The following POC5 variants were observed in gnomAD, a reference collection of about 807,000 sequenced individuals.
POC5 encodes the protein centrosomal protein POC5.
POC5 carries 48 observed loss-of-function variants against 62.9 expected under a neutral mutation model. That is an observed-to-expected ratio of 0.76 (90% CI 0.61 to 0.97). The LOEUF (loss-of-function observed/expected upper bound fraction) is 0.97, where lower values mean the gene tolerates loss of function less well. Among genes scored for constraint, POC5 ranks in the 50% least tolerant of loss-of-function variants. The pLI is 0.00. For synonymous variants in POC5, 236 were observed against 228.2 expected, an observed-to-expected ratio of 1.03 and a Z score of -0.31; for missense variants, 696 against 679.5, an observed-to-expected ratio of 1.02 and a Z score of -0.27.
intron 3 of POC5, chr5:75,707,524 A>C (rs1423537215): frequency 2.3e-6 from 1 of 426,130 alleles, no homozygotes; most frequent in East Asian, 3.5e-5. Flanking sequence ...CATAAAAGTA[A>C]GAGTCAAATG....
intron 7 of POC5, among the ~76,000 whole-genome samples, chr5:75,691,980 C>T (rs1399662168): frequency 6.6e-6 from 1 of 152,100 alleles, no homozygotes. Context: ...AACATTTATA[C>T]TGTGATTTAA....
At chr5:75,696,966 T>G (rs1231337902) in intron 5 of POC5, among the ~76,000 whole-genome samples, 8 of 151,440 alleles carry the variant, frequency 5.3e-5, no homozygotes, top group African/African-American at 1.9e-4. Flanking sequence ...CAATGGAAGA[T>G]GAAATGAATG....
rs993446101 is a variant in POC5, at chr5:75,676,633, A to G, written c.1584+1141T>C. On this transcript the variant is annotated intron_variant, in intron 11 of 11. Transcript: ENST00000428202. Reference sequence around the variant, plus strand: ...ACAGGAACGTTGTCCGATGCTGAGAATTTATAGAGGGCATTCTCTTTTAAA... The same window carrying G: ...ACAGGAACGTTGTCCGATGCTGAGAGTTTATAGAGGGCATTCTCTTTTAAA... Among the ~76,000 whole-genome samples, 3 of 152,228 alleles carry G rather than the reference A, an allele frequency of 2.0e-5. No individual in the cohort carries two copies. In the East Asian group the frequency reaches 5.8e-4, roughly 29 times the overall value.
At chr5:75,696,053 G>A (rs549807127) in intron 5 of POC5, 1 of 153,120 alleles carries the variant, frequency 6.5e-6, no homozygotes, top group African/African-American at 2.4e-5. Context: ...ACCTGGCTCA[G>A]AGGGTCCTAC....
chr5:75,698,958 G>C (rs1180588162), intron 5 of POC5, among the ~76,000 whole-genome samples: 1 of 152,080 alleles, frequency 6.6e-6, no homozygotes, highest in African/African-American at 2.4e-5. Context: ...AAATAAACTA[G>C]AAAATCTAGA....
At chr5:75,677,361 A>G (rs1775707591) in intron 11 of POC5, among the ~76,000 whole-genome samples, 1 of 152,220 alleles carries the variant, frequency 6.6e-6, no homozygotes, top group Admixed American at 6.5e-5. Flanking sequence ...AGGACCAAAA[A>G]TTAAAAACTA....
intron 2 of POC5, among the ~76,000 whole-genome samples, chr5:75,708,185 T>G (rs1335657831): frequency 6.6e-6 from 1 of 151,998 alleles, no homozygotes; most frequent in African/African-American, 2.4e-5. Flanking sequence ...CTACAATAAA[T>G]TTTTTACAAA....
intron 1 of POC5, among the ~76,000 whole-genome samples, chr5:75,715,001 G>GT (rs764228875): frequency 6.6e-6 from 1 of 150,626 alleles, no homozygotes; most frequent in Non-Finnish European, 1.5e-5. Context: ...GTATTAGTAC[G>GT]TTTTTCAAAC....
intron 2 of POC5, among the ~76,000 whole-genome samples, chr5:75,708,717 T>G (rs1472531696): frequency 6.6e-6 from 1 of 152,262 alleles, no homozygotes; most frequent in African/African-American, 2.4e-5. Context: ...TAAGTAAAAT[T>G]GTTTTTTAAA....
intron 1 of POC5, among the ~76,000 whole-genome samples, chr5:75,714,827 TG>T (rs1048013603): frequency 2.6e-5 from 4 of 152,170 alleles, no homozygotes; most frequent in African/African-American, 9.7e-5. Context: ...ACACTGTGAA[TG>T]GTGTTTCCTG....
At chr5:75,698,798 G>A (rs374014312) in intron 5 of POC5, among the ~76,000 whole-genome samples, 1 of 151,608 alleles carries the variant, frequency 6.6e-6, no homozygotes, top group Non-Finnish European at 1.5e-5. Context: ...TTGAAAGGAT[G>A]AACAAAATTG....
chr5:75,712,264 T>C (rs1348304979), intron 2 of POC5: 4 of 1,292,016 alleles, frequency 3.1e-6, no homozygotes, highest in Admixed American at 1.8e-5. Flanking sequence ...TATTCTCATA[T>C]TTAAAATCTA....
chr5:75,693,658 C>T (rs547614045), intron 6 of POC5, among the ~76,000 whole-genome samples: 24 of 152,150 alleles, frequency 1.6e-4, no homozygotes, highest in Admixed American at 7.2e-4. Flanking sequence ...CAATTTTATA[C>T]GAAATCAAGG....
In POC5 at chr5:75,675,884, G is replaced by T. The variant is rs115340281; in HGVS notation, c.1585-1306C>A. Among the ~76,000 whole-genome samples, 10 of 152,316 alleles carry T rather than the reference G, an allele frequency of 6.6e-5. No individual in the cohort carries two copies. In the East Asian group the frequency reaches 1.7e-3, roughly 26 times the overall value. On this transcript the variant is annotated intron_variant, in intron 11 of 11. Coordinates refer to ENST00000428202, the MANE Select transcript of POC5 (RefSeq NM_001099271.2). ...AGATGAGGCTACAGTGTCACAAATCGCATCCTTGGTTTTTTAGTAATAACT... is the reference window on the plus strand; with the variant it reads ...AGATGAGGCTACAGTGTCACAAATCTCATCCTTGGTTTTTTAGTAATAACT...
intron 5 of POC5, chr5:75,696,238 G>A (rs149283666): frequency 0.24 from 37,193 of 152,882 alleles, 4,755 homozygotes; most frequent in South Asian, 0.32. Context: ...GCCTGCCTCT[G>A]TAGGCTCCAC....
In POC5 at chr5:75,676,802, G is replaced by A. The variant is rs1015137564; in HGVS notation, c.1584+972C>T. 4.7e-5 allele frequency among the ~76,000 whole-genome samples: 7 copies of A among 148,708 alleles called. No homozygotes were observed. In the South Asian group the frequency reaches 1.3e-3, roughly 27 times the overall value. On this transcript the variant is annotated intron_variant, in intron 11 of 11. Transcript: ENST00000428202. ...GCGCCATTGCACTCTATCTAGCCTG[G>A]GAGACAAGAGAGAAACTCTGTCTCA... is the stretch of plus-strand genomic sequence containing the variant.
intron 1 of POC5, 23 bp from the exon 2 acceptor site, chr5:75,712,974 T>G (rs1171988016): frequency 6.5e-7 from 1 of 1,528,702 alleles, no homozygotes. Flanking sequence ...AAGCTAACTT[T>G]AGCTTTTTTC....
In POC5 at chr5:75,689,162, A is replaced by T; in HGVS notation, c.979T>A (p.Ser327Thr). 1 of 1,532,572 alleles carries T rather than the reference A, an allele frequency of 6.5e-7. No homozygotes were observed. Among genetic ancestry groups the T allele is most frequent in the East Asian group, 2.4e-5 (1 of 41,972 alleles). The allele number at this position is 1,532,572 out of a possible 1,614,324, so 94.9% of individuals were successfully genotyped here. ...NDYEAKVAML[S>T]GALENAKAEI... ...GCTTTTGCATTTTCCAAAGCTCCAG[A>T]TAACTAAAATAAGAATGTTTAAAAA... Residue 327 changes from serine to threonine, a missense_variant, in exon 9 of 12, where the codon TCT becomes ACT. Ser to Thr is a moderately conservative substitution (Grantham distance 58). Transcript: ENST00000428202.
Position 75,696,412 on chromosome 5 carries a change from G to C in POC5, c.514-1581C>G, listed in dbSNP as rs1247804138. 3.3e-5 allele frequency among the ~76,000 whole-genome samples: 5 copies of C among 152,238 alleles called. No homozygotes were observed. In the East Asian group the frequency reaches 7.7e-4, roughly 24 times the overall value. On this transcript the variant is annotated intron_variant, in intron 5 of 11. Transcript: ENST00000428202. ...AGTGGGTCCCTGACCCCTGACCTCC[G>C]AGCAGCCTAACTGGGAGGCACCCCC...
Sources: allele counts gnomAD v4.1 joint callset (sites outside exome capture counted in the v4.1 genomes callset), GRCh38; gene constraint gnomAD v4.1.1; transcripts MANE v1.5; gene names NCBI Gene and HGNC (gene_info 2026-07-23, HGNC 2026-07-21).